TNFRSF17: variants seen among roughly 807,000 people sequenced by gnomAD.
TNFRSF17 encodes TNF receptor superfamily member 17.
In TNFRSF17, 13 loss-of-function variants were observed where a neutral mutation model predicts 9.9. The ratio of observed to expected loss-of-function variants is 1.31; its 90% confidence interval spans 0.85 to 2.08. TNFRSF17 has a LOEUF of 2.08. Among genes scored for constraint, TNFRSF17 ranks in the 30% most tolerant of loss-of-function variants. The pLI is 0.00. For missense variants in TNFRSF17, 305 were observed against 225.8 expected (o/e 1.35, Z -2.25); for synonymous variants, 99 against 83.7 (o/e 1.18, Z -1.00).
chr16:11,967,852 C>A lies in TNFRSF17; in HGVS notation c.*5C>A, dbSNP rs1411287749. ...AAATCAATTTCTGCTAGGTAATTAA[C>A]CATTTCGACTCGAGCAGTGCCACTT... On this transcript the variant is annotated 3_prime_UTR_variant, in exon 3 of 3. Transcript: ENST00000053243. 1 of 1,612,234 alleles carries A rather than the reference C, an allele frequency of 6.2e-7. No individual in the cohort carries two copies. The highest frequency in any genetic ancestry group is 8.5e-7 in the Non-Finnish European group (1 of 1,178,648).
chr16:11,966,125 A>C lies in TNFRSF17; in HGVS notation c.131-70A>C, dbSNP rs1011334034. 6.3e-6 allele frequency: 9 copies of C among 1,433,224 alleles called. No homozygotes were observed. In the South Asian group the frequency reaches 8.5e-5, roughly 14 times the overall value. The allele number at this position is 1,433,224 out of a possible 1,614,324, so 88.8% of individuals were successfully genotyped here. ...GACTTTGTCTCAAAATAAATAAATA[A>C]ATAATAACAATAAAGTATGTGAATA... On this transcript the variant is annotated intron_variant, in intron 1 of 2. Coordinates refer to ENST00000053243, the MANE Select transcript of TNFRSF17 (RefSeq NM_001192.3).
In TNFRSF17 at chr16:11,967,787, C is replaced by A; in HGVS notation, c.495C>A (p.Cys165Ter). ...ILVTTKTNDY[C>*]KSLPAALSAT... Reference sequence around the variant, plus strand: ...TCACCACGAAAACGAATGACTATTGCAAGAGCCTGCCAGCTGCTTTGAGTG... The same window carrying A: ...TCACCACGAAAACGAATGACTATTGAAAGAGCCTGCCAGCTGCTTTGAGTG... The change falls in exon 3 of 3, where the codon TGC becomes TGA. Residue 165 changes from cysteine to a stop codon, truncating the protein, a stop_gained. Transcript: ENST00000053243. LOFTEE classifies it low-confidence loss of function (END_TRUNC). 1 of 1,614,200 alleles carries A rather than the reference C, an allele frequency of 6.2e-7. No individual in the cohort carries two copies. The highest frequency in any genetic ancestry group is 8.5e-7 in the Non-Finnish European group (1 of 1,180,034).
chr16:11,967,311 T>G (rs2055202173), intron 2 of TNFRSF17, among the ~76,000 whole-genome samples: 1 of 152,066 alleles, frequency 6.6e-6, no homozygotes, highest in Non-Finnish European at 1.5e-5. Context: ...ACATACTCAT[T>G]CTTTTTTACT....
At position 11,965,212 on chromosome 16, in the gene TNFRSF17, T is replaced by C; in HGVS notation, c.-113T>C. 2 of 1,430,264 alleles carry C rather than the reference T, an allele frequency of 1.4e-6. No individual in the cohort carries two copies. Among genetic ancestry groups the C allele is most frequent in the Non-Finnish European group, 9.6e-7 (1 of 1,046,262 alleles). The allele number at this position is 1,430,264 out of a possible 1,614,324, so 88.6% of individuals were successfully genotyped here. ...AACCCACGAAGCAGGCGAAGTTCAT[T>C]GTTCTCAACATTCTAGCTGCTCTTG... On this transcript the variant is annotated 5_prime_UTR_variant, in exon 1 of 3. Transcript: ENST00000053243.
chr16:11,966,209 G>C lies in TNFRSF17; in HGVS notation c.145G>C (p.Val49Leu), dbSNP rs575347463. Residue 49 changes from valine (V) to leucine (L), a missense_variant, in exon 2 of 3, where the codon GTG becomes CTG. Transcript: ENST00000053243. ...TTTTCATAAAGGTGTGACCAATTCA[G>C]TGAAAGGAACGAATGCGATTCTCTG... ...RYCNASVTNS[V>L]KGTNAILWTC... 6.2e-7 allele frequency: 1 copy of C among 1,613,204 alleles called. No individual in the cohort carries two copies. The highest frequency in any genetic ancestry group is 1.7e-5 in the Admixed American group (1 of 59,904).
intron 2 of TNFRSF17, chr16:11,966,878 G>A (rs1425280606): frequency 6.6e-6 from 1 of 152,652 alleles, no homozygotes; most frequent in Admixed American, 6.5e-5. Flanking sequence ...AAAAATGAAT[G>A]TTCTACTTAA....
At position 11,967,842 on chromosome 16, in the gene TNFRSF17, A is replaced by G. The variant is rs1228088671; in HGVS notation, c.550A>G (p.Arg184Gly). 6.2e-7 allele frequency: 1 copy of G among 1,613,670 alleles called. No homozygotes were observed. Among genetic ancestry groups the G allele is most frequent in the Non-Finnish European group, 8.5e-7 (1 of 1,179,694 alleles). The change falls in exon 3 of 3, where the codon AGG (arginine) becomes GGG (glycine). Residue 184 changes from arginine to glycine, a missense_variant. Physicochemically the swap from Arg to Gly is moderately radical, Grantham distance 125 (BLOSUM62 -2). Transcript: ENST00000053243. ...ATEIEKSISA[R>G] ...GGAGATAGAGAAATCAATTTCTGCT[A>G]GGTAATTAACCATTTCGACTCGAGC...
chr16:11,967,688 C>G lies in TNFRSF17; in HGVS notation c.396C>G (p.Ile132Met), dbSNP rs754679282. Residue 132 changes from isoleucine (I) to methionine (M), a missense_variant, in exon 3 of 3, where the codon ATC (isoleucine) becomes ATG (methionine). Transcript: ENST00000053243. ...TVEECTCEDC[I>M]KSKPKVDSDH... ...AAGAATGCACCTGTGAAGACTGCAT[C>G]AAGAGCAAACCGAAGGTCGACTCTG... The G allele has an allele frequency of 6.2e-7, 1 of 1,614,182 alleles. No individual in the cohort carries two copies. Among genetic ancestry groups the G allele is most frequent in the Non-Finnish European group, 8.5e-7 (1 of 1,180,046 alleles).
At position 11,968,049 on chromosome 16, in the gene TNFRSF17, T is replaced by G; in HGVS notation, c.*202T>G. 1.9e-6 allele frequency: 1 copy of G among 539,298 alleles called. No homozygotes were observed. Among genetic ancestry groups the G allele is most frequent in the Non-Finnish European group, 3.0e-6 (1 of 330,124 alleles). The allele number at this position is 539,298 out of a possible 1,614,324, so 33.4% of individuals were successfully genotyped here. ...GTAGAAACTTCCTTGGTTTCATGAT[T>G]AAACTCTTTTTTTTCCTGACATCTA... On this transcript the variant is annotated 3_prime_UTR_variant, in exon 3 of 3. Coordinates refer to ENST00000053243, the MANE Select transcript of TNFRSF17 (RefSeq NM_001192.3).
In TNFRSF17 at chr16:11,967,562, A is replaced by C. The variant is rs191777818; in HGVS notation, c.278-8A>C. ...TTTGGGTTAATGTTTCCGTTTCTAC[A>C]TAATTAGGATCAGGTCTCCTGGGCA... On this transcript the variant is annotated splice_region_variant and splice_polypyrimidine_tract_variant and intron_variant, in intron 2 of 2. Transcript: ENST00000053243. 6.2e-7 allele frequency: 1 copy of C among 1,607,202 alleles called. No individual in the cohort carries two copies. Among genetic ancestry groups the C allele is most frequent in the East Asian group, 2.2e-5 (1 of 44,728 alleles).
Position 11,965,393 on chromosome 16 carries a change from T to G in TNFRSF17, c.69T>G (p.Pro23=). Residue 23 remains proline, a synonymous_variant, in exon 1 of 3, where the codon CCT becomes CCG. Coordinates refer to ENST00000053243, the MANE Select transcript of TNFRSF17 (RefSeq NM_001192.3). ...YFDSLLHACI[P]CQLRCSSNTP... is the part of the protein sequence containing the mutation. ...ACAGTTTGTTGCATGCTTGCATACC[T>G]TGTCAACTTCGATGTTCTTCTAATA... The G allele has an allele frequency of 6.2e-7, 1 of 1,614,220 alleles. No individual in the cohort carries two copies. Among genetic ancestry groups the G allele is most frequent in the Non-Finnish European group, 8.5e-7 (1 of 1,180,018 alleles).
chr16:11,965,474 C>CGAT lies in TNFRSF17; in HGVS notation c.130+21_130+23dup. ...ATGCAAGTAAGTAATATTGCTTGAA[C>CGAT]GATTATTCATTGGTGTGAACTATTC... On this transcript the variant is annotated intron_variant, in intron 1 of 2. Transcript: ENST00000053243. The CGAT allele has an allele frequency of 6.2e-7, 1 of 1,612,412 alleles. No individual in the cohort carries two copies. The highest frequency in any genetic ancestry group is 8.5e-7 in the Non-Finnish European group (1 of 1,178,700).
In TNFRSF17 at chr16:11,967,801, C is replaced by T; in HGVS notation, c.509C>T (p.Ala170Val). 1 of 1,614,202 alleles carries T rather than the reference C, an allele frequency of 6.2e-7. No homozygotes were observed. The highest frequency in any genetic ancestry group is 8.5e-7 in the Non-Finnish European group (1 of 1,180,036). Reference sequence around the variant, plus strand: ...AATGACTATTGCAAGAGCCTGCCAGCTGCTTTGAGTGCTACGGAGATAGAG... The same window carrying T: ...AATGACTATTGCAAGAGCCTGCCAGTTGCTTTGAGTGCTACGGAGATAGAG... The part of the protein sequence containing the change: ...KTNDYCKSLP[A>V]ALSATEIEKS... Residue 170 changes from alanine (A) to valine (V), a missense_variant, in exon 3 of 3, where the codon GCT becomes GTT. Physicochemically the swap from Ala to Val is moderately conservative, Grantham distance 64 (BLOSUM62 0). Transcript: ENST00000053243.
At position 11,965,392 on chromosome 16, in the gene TNFRSF17, C is replaced by G; in HGVS notation, c.68C>G (p.Pro23Arg). ...GACAGTTTGTTGCATGCTTGCATAC[C>G]TTGTCAACTTCGATGTTCTTCTAAT... ...YFDSLLHACI[P>R]CQLRCSSNTP... The change falls in exon 1 of 3, where the codon CCT becomes CGT. Residue 23 changes from proline to arginine, a missense_variant. Transcript: ENST00000053243. 6.2e-7 allele frequency: 1 copy of G among 1,614,116 alleles called. No homozygotes were observed. Among genetic ancestry groups the G allele is most frequent in the Non-Finnish European group, 8.5e-7 (1 of 1,179,972 alleles).
At position 11,967,607 on chromosome 16, in the gene TNFRSF17, A is replaced by T; in HGVS notation, c.315A>T (p.Glu105Asp). The T allele has an allele frequency of 6.2e-7, 1 of 1,613,952 alleles. No individual in the cohort carries two copies. Among genetic ancestry groups the T allele is most frequent in the African/African-American group, 1.3e-5 (1 of 75,050 alleles). Residue 105 changes from glutamate to aspartate, a missense_variant, in exon 3 of 3, where the codon GAA (glutamate) becomes GAT (aspartate). Transcript: ENST00000053243. ...GLLGMANIDL[E>D]KSRTGDEIIL... ...TGGGCATGGCTAACATTGACCTGGA[A>T]AAGAGCAGGACTGGTGATGAAATTA...
intron 2 of TNFRSF17, among the ~76,000 whole-genome samples, chr16:11,966,547 G>T (rs2055195700): frequency 6.6e-6 from 1 of 152,200 alleles, no homozygotes; most frequent in African/African-American, 2.4e-5. Context: ...TACAATGTCA[G>T]TCTTCTCCAG....
At position 11,966,308 on chromosome 16, in the gene TNFRSF17, T is replaced by C; in HGVS notation, c.244T>C (p.Ser82Pro). The C allele has an allele frequency of 3.1e-6, 5 of 1,613,606 alleles. No homozygotes were observed. The highest frequency in any genetic ancestry group is 3.4e-6 in the Non-Finnish European group (4 of 1,179,812). The change falls in exon 2 of 3, where the codon TCT (serine) becomes CCT (proline). Residue 82 changes from serine (S) to proline (P), a missense_variant. Physicochemically the swap from Ser to Pro is moderately conservative, Grantham distance 74. Coordinates refer to ENST00000053243, the MANE Select transcript of TNFRSF17 (RefSeq NM_001192.3). The stretch of plus-strand genomic sequence containing the variant: ...AATGTTTTTGCTAAGGAAGATAAAC[T>C]CTGAACCATTAAAGGACGAGTTTAA... ...VLMFLLRKIN[S>P]EPLKDEFKNT... is the part of the protein sequence containing the mutation.
At chr16:11,967,072 C>G (rs577748657) in intron 2 of TNFRSF17, 7 of 223,550 alleles carry the variant, frequency 3.1e-5, no homozygotes, top group South Asian at 3.1e-4. Flanking sequence ...GTGATCTCAA[C>G]TCACTGCAGC....
intron 2 of TNFRSF17, chr16:11,967,137 A>T (rs1344405717): frequency 5.1e-6 from 1 of 195,274 alleles, no homozygotes. Context: ...AGTAACTGGG[A>T]CTATAGGTAT....
Sources: allele counts gnomAD v4.1 joint callset (sites outside exome capture counted in the v4.1 genomes callset), GRCh38; gene constraint gnomAD v4.1.1; transcripts MANE v1.5; gene names NCBI Gene and HGNC (gene_info 2026-07-23, HGNC 2026-07-21).